The following CDH13 variants were observed in gnomAD, a reference collection of about 807,000 sequenced individuals.
The protein encoded by CDH13 is cadherin 13, also known as cadherin-13.
CDH13 carries 24 observed loss-of-function variants against 63.8 expected under a neutral mutation model. The observed-to-expected ratio is 0.38, with a 90% CI of 0.27 to 0.53. CDH13 has a LOEUF of 0.53. CDH13 is among the 20% of genes least tolerant of loss of function. The pLI is 0.85. For missense variants in CDH13, 1,049 were observed against 903.1 expected (o/e 1.16, Z -2.07); for synonymous variants, 503 against 355.3 (o/e 1.42, Z -4.67).
chr16:82,746,113 T>C (rs75516829), intron 1 of CDH13, among the ~76,000 whole-genome samples: 4,299 of 151,868 alleles, frequency 0.028, 188 homozygotes, highest in African/African-American at 0.099. Context: ...TATATATACA[T>C]ACATTTTATA....
intron 2 of CDH13, among the ~76,000 whole-genome samples, chr16:82,860,175 G>T (rs953536981): frequency 6.6e-6 from 1 of 151,898 alleles, no homozygotes; most frequent in Non-Finnish European, 1.5e-5. Context: ...ATGTTAACAT[G>T]CTTGGAAATG....
At chr16:83,558,753 G>C (rs2075648096) in intron 7 of CDH13, among the ~76,000 whole-genome samples, 1 of 152,102 alleles carries the variant, frequency 6.6e-6, no homozygotes, top group Non-Finnish European at 1.5e-5. Flanking sequence ...AGTTATGTGG[G>C]CCCTTGTTAT....
chr16:83,049,967 A>G (rs11861294), intron 3 of CDH13, among the ~76,000 whole-genome samples: 6,756 of 152,292 alleles, frequency 0.044, 480 homozygotes, highest in African/African-American at 0.15. Context: ...TGATGCTACA[A>G]AAATAGTAAT....
intron 1 of CDH13, among the ~76,000 whole-genome samples, chr16:82,781,917 A>G (rs2035772761): frequency 6.6e-6 from 1 of 152,214 alleles, no homozygotes. Context: ...TGCTGTGGGA[A>G]CTCTAAAGAA....
intron 7 of CDH13, among the ~76,000 whole-genome samples, chr16:83,521,890 C>G (rs750536889): frequency 6.6e-6 from 1 of 152,214 alleles, no homozygotes; most frequent in Non-Finnish European, 1.5e-5. Flanking sequence ...GCAAATCATC[C>G]TACTATATGA....
At chr16:82,788,779 T>C (rs1229945374) in intron 1 of CDH13, among the ~76,000 whole-genome samples, 1 of 152,202 alleles carries the variant, frequency 6.6e-6, no homozygotes, top group African/African-American at 2.4e-5. Flanking sequence ...GGACAGATCC[T>C]GGGATGTGGA....
At chr16:83,186,325 G>A (rs2038523567) in intron 4 of CDH13, among the ~76,000 whole-genome samples, 1 of 151,784 alleles carries the variant, frequency 6.6e-6, no homozygotes, top group African/African-American at 2.4e-5. Flanking sequence ...TTTTAGTAGA[G>A]ATGGGGTTTC....
intron 5 of CDH13, among the ~76,000 whole-genome samples, chr16:83,292,060 T>G (rs974002104): frequency 6.6e-6 from 1 of 152,206 alleles, no homozygotes; most frequent in African/African-American, 2.4e-5. Flanking sequence ...GTTGGCCACC[T>G]TTGTTTACAT....
At position 83,478,785 on chromosome 16, in the gene CDH13, A is replaced by G. The variant is rs557653395; in HGVS notation, c.782-7692A>G. 4.2e-4 allele frequency among the ~76,000 whole-genome samples: 64 copies of G among 150,916 alleles called. 1 individual carries two copies. The highest frequency in any genetic ancestry group is 1.5e-3 in the African/African-American group (63 of 41,184). On this transcript the variant is annotated intron_variant, in intron 6 of 13. Transcript: ENST00000567109. ...TTCTTTAACAGTCTTCACACCCAGA[A>G]CTGAGAACCAACCTCCCACCTGGCT...
At chr16:83,201,323 G>A (rs933352825) in intron 4 of CDH13, among the ~76,000 whole-genome samples, 5 of 152,152 alleles carry the variant, frequency 3.3e-5, no homozygotes, top group Admixed American at 2.6e-4. Context: ...ATATAAATAT[G>A]TCAGGAAGTA....
At chr16:83,124,308 A>C (rs1228993403) in intron 3 of CDH13, among the ~76,000 whole-genome samples, 2 of 152,152 alleles carry the variant, frequency 1.3e-5, no homozygotes, top group Non-Finnish European at 2.9e-5. Context: ...GGCCTCCCAA[A>C]GTGCTGGGAT....
chr16:83,558,754 C>T (rs1246227325), intron 7 of CDH13, among the ~76,000 whole-genome samples: 2 of 152,104 alleles, frequency 1.3e-5, no homozygotes, highest in Middle Eastern at 3.4e-3. Flanking sequence ...GTTATGTGGG[C>T]CCTTGTTATG....
chr16:83,345,074 C>A (rs529657618), intron 6 of CDH13, 68 bp downstream of exon 6: 2 of 1,553,096 alleles, frequency 1.3e-6, no homozygotes, highest in African/African-American at 1.4e-5. Context: ...TTTGTGGATT[C>A]TAGGGACTGT....
chr16:83,489,898 G>T, intron 7 of CDH13, among the ~76,000 whole-genome samples: 1 of 152,090 alleles, frequency 6.6e-6, no homozygotes, highest in East Asian at 1.9e-4. Context: ...TTTAAGGTTT[G>T]TTACCTTGTC....
intron 10 of CDH13, among the ~76,000 whole-genome samples, chr16:83,747,274 T>C (rs1187654762): frequency 6.6e-6 from 1 of 152,184 alleles, no homozygotes; most frequent in Non-Finnish European, 1.5e-5. Flanking sequence ...GGAGGGACCC[T>C]GTGGGAGGTA....
chr16:83,682,852 C>T (rs537158900), intron 10 of CDH13, among the ~76,000 whole-genome samples: 1 of 152,324 alleles, frequency 6.6e-6, no homozygotes, highest in South Asian at 2.1e-4. Context: ...TGCAGCAGGG[C>T]CTGCCCATCC....
At chr16:82,951,815 C>T (rs1290523027) in intron 2 of CDH13, among the ~76,000 whole-genome samples, 3 of 152,190 alleles carry the variant, frequency 2.0e-5, no homozygotes, top group African/African-American at 7.2e-5. Flanking sequence ...AGCTGTTGTA[C>T]ACCCATGGGA....
chr16:83,349,109 G>C (rs1348395503), intron 6 of CDH13, among the ~76,000 whole-genome samples: 2 of 152,266 alleles, frequency 1.3e-5, no homozygotes, highest in African/African-American at 4.8e-5. Flanking sequence ...GTATTGTTTT[G>C]GTGAATCATT....
intron 1 of CDH13, among the ~76,000 whole-genome samples, chr16:82,776,195 G>A (rs1455901897): frequency 6.9e-6 from 1 of 144,606 alleles, no homozygotes. Flanking sequence ...GGGTAACAGA[G>A]CAAGACTGTT....
Sources: gnomAD v4.1 joint callset for allele counts (sites outside exome capture counted in the v4.1 genomes callset) on GRCh38, gnomAD v4.1.1 for gene constraint, MANE v1.5 for transcripts, NCBI Gene and HGNC (gene_info 2026-07-23, HGNC 2026-07-21) for gene names.